Variants in CD46 observed in about 807,000 individuals in gnomAD.
CD46 encodes membrane cofactor protein.
In CD46, 30 loss-of-function variants were observed where a neutral mutation model predicts 53.3. That is an observed-to-expected ratio of 0.56 (90% CI 0.42 to 0.76). The LOEUF is 0.76. Among genes scored for constraint, CD46 ranks in the 30% least tolerant of loss-of-function variants. The pLI is 0.00. For synonymous variants in CD46, 142 were observed against 152.0 expected, an observed-to-expected ratio of 0.93 and a Z score of 0.48; for missense variants, 409 against 463.0, an observed-to-expected ratio of 0.88 and a Z score of 1.07.
At chr1:207,754,192 A>G (rs998278838) in intron 1 of CD46, among the ~76,000 whole-genome samples, 6 of 152,234 alleles carry the variant, frequency 3.9e-5, no homozygotes, top group Admixed American at 3.9e-4. Flanking sequence ...TAAATCTGAC[A>G]GCATTTAACA....
At chr1:207,754,953 TA>T (rs5780402) in intron 1 of CD46, among the ~76,000 whole-genome samples, 23,745 of 132,992 alleles carry the variant, frequency 0.18, 1,974 homozygotes, top group Admixed American at 0.23. Context: ...ACAAAACATG[TA>T]AAAAAAAAAA....
chr1:207,758,453 G>A (rs1236792041), intron 3 of CD46, among the ~76,000 whole-genome samples: 1 of 152,102 alleles, frequency 6.6e-6, no homozygotes, highest in Non-Finnish European at 1.5e-5. Flanking sequence ...GGGGGTTCTC[G>A]CTTTATAACA....
intron 12 of CD46, among the ~76,000 whole-genome samples, chr1:207,790,937 G>C (rs1470476685): frequency 6.6e-6 from 1 of 152,170 alleles, no homozygotes; most frequent in African/African-American, 2.4e-5. Context: ...TTATTCCTCT[G>C]TTTGTGCTAG....
At chr1:207,793,320 A>C (rs1255354271) in intron 12 of CD46, among the ~76,000 whole-genome samples, 199 bp from the exon 13 acceptor site, 1 of 152,180 alleles carries the variant, frequency 6.6e-6, no homozygotes. Context: ...AAAATATAAG[A>C]CAGGGATAAA....
chr1:207,780,528 CTGTT>C (rs1658630757), intron 8 of CD46, among the ~76,000 whole-genome samples: 1 of 152,074 alleles, frequency 6.6e-6, no homozygotes, highest in Non-Finnish European at 1.5e-5. Flanking sequence ...GTACACATAT[CTGTT>C]TGAGTTCCCG....
intron 12 of CD46, 98 bp from the exon 13 acceptor site, chr1:207,793,421 T>A (rs1659982878): frequency 2.2e-6 from 2 of 908,018 alleles, no homozygotes; most frequent in East Asian, 2.6e-5. Flanking sequence ...CATTACTATA[T>A]TTTTTTAATT....
In CD46 at chr1:207,752,587, G is replaced by C. The variant is rs540224785; in HGVS notation, c.97+278G>C. ...AAGCGTGAATCGTGTTTTCGGGATT[G>C]AGCCAGTCGGCCAGGGGAGCGCGGA... is the stretch of plus-strand genomic sequence containing the variant. On this transcript the variant is annotated intron_variant, in intron 1 of 12. Transcript: ENST00000367042. The surrounding 1 kb of genome is among the most constrained non-coding windows in gnomAD (Gnocchi z 4.1). Among the ~76,000 whole-genome samples, 265 of 152,352 alleles carry C rather than the reference G, an allele frequency of 1.7e-3. 5 individuals are homozygous for C. Among genetic ancestry groups the C allele is most frequent in the East Asian group, 5.8e-4 (3 of 5,188 alleles).
intron 11 of CD46, 144 bp downstream of exon 11, chr1:207,785,826 G>C (rs1049149538): frequency 1.1e-5 from 7 of 636,616 alleles, no homozygotes; most frequent in African/African-American, 1.9e-5. Context: ...CCTACCAATT[G>C]CATTTCTTTG....
rs755366474 is a variant in CD46, at chr1:207,793,571, C to G, written c.*94C>G. On this transcript the variant is annotated 3_prime_UTR_variant, in exon 13 of 13. Transcript: ENST00000367042. Reference sequence around the variant, plus strand: ...CACTTACCAGACTAAATCAACCACTCCAGCAGAGCAGAGAGGCTGAATAGA... The same window carrying G: ...CACTTACCAGACTAAATCAACCACTGCAGCAGAGCAGAGAGGCTGAATAGA... The G allele has an allele frequency of 6.2e-7, 1 of 1,613,960 alleles. No homozygotes were observed. The highest frequency in any genetic ancestry group is 8.5e-7 in the Non-Finnish European group (1 of 1,179,848).
Position 207,767,103 on chromosome 1 carries a change from A to G in CD46, c.764A>G (p.Glu255Gly). ...KFYYKATVMF[E>G]CDKGFYLDGS... ...TACTACAAAGCAACAGTTATGTTTG[A>G]ATGCGATAAGGGTTTTTACCTCGAT... is the stretch of plus-strand genomic sequence containing the variant. The change falls in exon 6 of 13, where the codon GAA becomes GGA. Residue 255 changes from glutamate to glycine, a missense_variant. Physicochemically the swap from Glu to Gly is moderately conservative, Grantham distance 98 (BLOSUM62 -2). Coordinates refer to ENST00000367042, the MANE Select transcript of CD46 (RefSeq NM_172351.3). The G allele has an allele frequency of 6.2e-7, 1 of 1,613,874 alleles. No homozygotes were observed. Among genetic ancestry groups the G allele is most frequent in the Non-Finnish European group, 8.5e-7 (1 of 1,179,728 alleles).
At chr1:207,763,935 A>T (rs1395661300) in intron 5 of CD46, among the ~76,000 whole-genome samples, 9 of 149,224 alleles carry the variant, frequency 6.0e-5, no homozygotes, top group Middle Eastern at 6.8e-3. Context: ...AAAGTGGGGA[A>T]AACACACACA....
intron 8 of CD46, among the ~76,000 whole-genome samples, chr1:207,777,531 C>A (rs1658247023): frequency 6.6e-6 from 1 of 152,262 alleles, no homozygotes; most frequent in East Asian, 1.9e-4. Flanking sequence ...TTGTTTCCTT[C>A]TTTGTGTTCA....
intron 2 of CD46, 147 bp from the exon 3 acceptor site, chr1:207,757,393 T>A: frequency 5.2e-6 from 4 of 771,228 alleles, no homozygotes. Context: ...ATTGCCTGGG[T>A]GAATATGAAT....
Position 207,752,893 on chromosome 1 carries a change from C to T in CD46, c.97+584C>T, listed in dbSNP as rs1655082381. On this transcript the variant is annotated intron_variant, in intron 1 of 12. Coordinates refer to ENST00000367042, the MANE Select transcript of CD46 (RefSeq NM_172351.3). This position sits in a 1 kb window ranked among gnomAD's most constrained non-coding sequence, Gnocchi z 4.1. ...AGAGTTCACTGTGGGCAAGACAGCT[C>T]AACTGTTTGCTTTGAATGGAGTGAG... Among the ~76,000 whole-genome samples the T allele has an allele frequency of 6.6e-6, 1 of 151,446 alleles. No homozygotes were observed. Among genetic ancestry groups the T allele is most frequent in the Non-Finnish European group, 1.5e-5 (1 of 67,916 alleles).
intron 8 of CD46, among the ~76,000 whole-genome samples, chr1:207,782,375 A>G (rs1658829531): frequency 6.6e-6 from 1 of 152,144 alleles, no homozygotes; most frequent in African/African-American, 2.4e-5. Flanking sequence ...GTCATCTGCA[A>G]ACAGAGCGAA....
chr1:207,764,799 G>A (rs1656659303), intron 5 of CD46, among the ~76,000 whole-genome samples: 1 of 152,120 alleles, frequency 6.6e-6, no homozygotes, highest in Non-Finnish European at 1.5e-5. Context: ...ATCTACCAAA[G>A]AAATAAAATT....
chr1:207,759,987 A>C, intron 4 of CD46: 1 of 353,408 alleles, frequency 2.8e-6, no homozygotes, highest in Non-Finnish European at 5.2e-6. Flanking sequence ...ATCTCAGCTC[A>C]TTGCAGCCTC....
chr1:207,787,122 A>C (rs1363355504), intron 11 of CD46, among the ~76,000 whole-genome samples: 1 of 152,000 alleles, frequency 6.6e-6, no homozygotes, highest in Non-Finnish European at 1.5e-5. Context: ...CCCAGGCTGG[A>C]GTGCAATGGC....
intron 11 of CD46, 120 bp downstream of exon 11, chr1:207,785,802 CT>C: frequency 1.5e-6 from 1 of 661,710 alleles, no homozygotes; most frequent in Non-Finnish European, 2.7e-6. Context: ...AAAAAAATGC[CT>C]GCATTAGTTT....
Sources: allele counts gnomAD v4.1 joint callset (sites outside exome capture counted in the v4.1 genomes callset), GRCh38; gene constraint gnomAD v4.1.1; non-coding constraint Gnocchi (gnomAD v3.1); transcripts MANE v1.5; gene names NCBI Gene and HGNC (gene_info 2026-07-23, HGNC 2026-07-21).